RGS6: variants seen among roughly 807,000 people sequenced by gnomAD.
RGS6 encodes the protein regulator of G-protein signaling 6.
A neutral mutation model predicts 78.5 loss-of-function variants in RGS6; 30 were observed. The observed-to-expected ratio is 0.38, with a 90% CI of 0.29 to 0.52. The LOEUF (loss-of-function observed/expected upper bound fraction) is 0.52, where lower values mean the gene tolerates loss of function less well. Among genes scored for constraint, RGS6 ranks in the 20% least tolerant of loss-of-function variants. The pLI is 0.85. For missense variants in RGS6, 495 were observed against 609.7 expected (o/e 0.81, Z 1.98); for synonymous variants, 206 against 206.0 (o/e 1.00, Z 0.00).
chr14:72,377,160 A>G (rs1596439169), intron 3 of RGS6, among the ~76,000 whole-genome samples: 1 of 152,212 alleles, frequency 6.6e-6, no homozygotes, highest in African/African-American at 2.4e-5. Context: ...CAAGAAACTC[A>G]TCTCACCTAT....
chr14:72,608,676 A>T, the RGS6 span, among the ~76,000 whole-genome samples: 2 of 152,180 alleles, frequency 1.3e-5, no homozygotes, highest in South Asian at 2.1e-4. Context: ...ACTCCTGCAG[A>T]TGAAGCTCTC....
intron 2 of RGS6, among the ~76,000 whole-genome samples, chr14:72,009,346 C>T (rs2085222816): frequency 6.6e-6 from 1 of 152,002 alleles, no homozygotes; most frequent in Admixed American, 6.5e-5. Context: ...AGACCCCCCA[C>T]CCCAAACTCT....
intron 1 of RGS6, 40 bp from the exon 2 acceptor site, chr14:71,964,731 AT>A: frequency 7.1e-7 from 1 of 1,406,324 alleles, no homozygotes; most frequent in East Asian, 2.3e-5. Context: ...TCTTTATATA[AT>A]TCCTTCGTGA....
the RGS6 span, among the ~76,000 whole-genome samples, chr14:71,878,111 T>C: frequency 1.3e-5 from 2 of 152,156 alleles, no homozygotes; most frequent in Non-Finnish European, 2.9e-5. Flanking sequence ...GCCTCCCAGT[T>C]AGGCTACTCA....
intron 2 of RGS6, among the ~76,000 whole-genome samples, chr14:72,158,090 TA>T (rs1160268093): frequency 6.6e-6 from 1 of 152,050 alleles, no homozygotes; most frequent in Non-Finnish European, 1.5e-5. Context: ...AGAGTTGCCA[TA>T]AAAAAATAGC....
intron 2 of RGS6, among the ~76,000 whole-genome samples, chr14:72,171,580 A>T (rs1598799494): frequency 6.6e-6 from 1 of 152,196 alleles, no homozygotes; most frequent in East Asian, 1.9e-4. Context: ...CTGTGCTCAG[A>T]TTTGTTTTAA....
intron 2 of RGS6, among the ~76,000 whole-genome samples, chr14:72,137,265 C>A (rs922127859): frequency 2.0e-5 from 3 of 152,190 alleles, no homozygotes; most frequent in African/African-American, 7.2e-5. Context: ...TTTCTGCAGC[C>A]CTTCATGGTA....
At chr14:72,614,080 T>A in the RGS6 span, among the ~76,000 whole-genome samples, 1 of 152,154 alleles carries the variant, frequency 6.6e-6, no homozygotes, top group Non-Finnish European at 1.5e-5. Context: ...CCCAAAGGCC[T>A]TGAACCAACC....
chr14:72,265,263 A>G, intron 2 of RGS6, among the ~76,000 whole-genome samples: 1 of 152,256 alleles, frequency 6.6e-6, no homozygotes, highest in Non-Finnish European at 1.5e-5. Flanking sequence ...TGCATACATG[A>G]CGGATCAGAA....
chr14:72,616,587 C>G, the RGS6 span, among the ~76,000 whole-genome samples: 18 of 152,182 alleles, frequency 1.2e-4, no homozygotes, highest in Non-Finnish European at 5.9e-5. Flanking sequence ...TAACATGATG[C>G]TTAAGAGTCC....
the RGS6 span, among the ~76,000 whole-genome samples, chr14:72,590,498 C>T: frequency 6.6e-6 from 1 of 151,718 alleles, no homozygotes; most frequent in Non-Finnish European, 1.5e-5. Context: ...AAAAACGTTA[C>T]ACTGAGGGAA....
At chr14:72,579,765 C>G in the RGS6 span, among the ~76,000 whole-genome samples, 1 of 152,176 alleles carries the variant, frequency 6.6e-6, no homozygotes, top group African/African-American at 2.4e-5. Context: ...AGATGAGGCC[C>G]AGGAATAGCA....
chr14:72,189,599 C>T (rs2097296590), intron 2 of RGS6, among the ~76,000 whole-genome samples: 1 of 152,036 alleles, frequency 6.6e-6, no homozygotes, highest in South Asian at 2.1e-4. Flanking sequence ...TTTTTATTAA[C>T]AAGAACTTAG....
chr14:72,554,814 T>C (rs912335507), intron 17 of RGS6, among the ~76,000 whole-genome samples: 3 of 151,886 alleles, frequency 2.0e-5, no homozygotes, highest in Non-Finnish European at 2.9e-5. Context: ...GCAGGGAAAA[T>C]GGAGATGCAC....
At chr14:72,514,221 G>A (rs762546869) in intron 14 of RGS6, among the ~76,000 whole-genome samples, 6 of 152,148 alleles carry the variant, frequency 3.9e-5, no homozygotes, top group South Asian at 2.1e-4. Context: ...TGCTGCCTAC[G>A]TCTCTGGTTG....
chr14:72,433,314 AAC>A (rs1227709815), intron 3 of RGS6, among the ~76,000 whole-genome samples: 1 of 152,010 alleles, frequency 6.6e-6, no homozygotes, highest in Non-Finnish European at 1.5e-5. Flanking sequence ...GGAGGGGAGC[AAC>A]ACACACTGGG....
intron 2 of RGS6, among the ~76,000 whole-genome samples, chr14:72,309,658 C>A (rs1324686973): frequency 6.6e-6 from 1 of 152,230 alleles, no homozygotes; most frequent in Non-Finnish European, 1.5e-5. Context: ...TTTGAAATAA[C>A]ACATGCATTG....
At chr14:72,299,276 C>A in intron 2 of RGS6, among the ~76,000 whole-genome samples, 1 of 152,150 alleles carries the variant, frequency 6.6e-6, no homozygotes, top group Non-Finnish European at 1.5e-5. Context: ...TCCTTCCCAC[C>A]CTATTTACCC....
intron 15 of RGS6, among the ~76,000 whole-genome samples, chr14:72,529,892 T>C (rs1165279709): frequency 6.6e-6 from 1 of 152,222 alleles, no homozygotes; most frequent in Non-Finnish European, 1.5e-5. Context: ...ATCTAAGCTT[T>C]ATGACATTAG....
Sources: allele counts gnomAD v4.1 joint callset (sites outside exome capture counted in the v4.1 genomes callset), GRCh38; gene constraint gnomAD v4.1.1; transcripts MANE v1.5; gene names NCBI Gene and HGNC (gene_info 2026-07-23, HGNC 2026-07-21).